Variants in ZNF236 observed in about 807,000 individuals in gnomAD.
The protein encoded by ZNF236 is zinc finger protein 236.
In ZNF236, 50 loss-of-function variants were observed where a neutral mutation model predicts 191.2. The ratio of observed to expected loss-of-function variants is 0.26; its 90% CI spans 0.21 to 0.33. The LOEUF is 0.33. ZNF236 is among the 10% of genes least tolerant of loss of function. ZNF236 has a pLI of 1.00. For missense variants in ZNF236, 1,754 were observed against 2,374.5 expected, an observed-to-expected ratio of 0.74 and a Z score of 5.43; for synonymous variants, 907 against 928.8, an observed-to-expected ratio of 0.98 and a Z score of 0.43.
rs1968913471 is a variant in ZNF236, at chr18:76,971,976, A to G, written c.*3637A>G. Among the ~76,000 whole-genome samples the G allele has an allele frequency of 6.6e-6, 1 of 152,232 alleles. No homozygotes were observed. Among genetic ancestry groups the G allele is most frequent in the African/African-American group, 2.4e-5 (1 of 41,458 alleles). On this transcript the variant is annotated 3_prime_UTR_variant, in exon 31 of 31. Transcript: ENST00000320610. ...TCCAAGGATTGATCGTTGCGAATGT[A>G]TCCCTTTTCCAAGACCTACTGCATA...
intron 1 of ZNF236, among the ~76,000 whole-genome samples, chr18:76,837,753 T>G (rs1975379744): frequency 6.6e-6 from 1 of 152,188 alleles, no homozygotes; most frequent in South Asian, 2.1e-4. Context: ...GAATTCAGTT[T>G]TTAACCTTTG....
intron 9 of ZNF236, chr18:76,886,156 C>T (rs1421631417): frequency 2.0e-5 from 3 of 152,124 alleles, no homozygotes; most frequent in African/African-American, 7.2e-5. Flanking sequence ...GATTATTGTT[C>T]TTCAGTAAGG....
In ZNF236 at chr18:76,895,105, C is replaced by T; in HGVS notation, c.1510C>T (p.Arg504Cys). 2.5e-6 allele frequency: 4 copies of T among 1,611,892 alleles called. No homozygotes were observed. The highest frequency in any genetic ancestry group is 1.7e-6 in the Non-Finnish European group (2 of 1,180,016). The stretch of plus-strand genomic sequence containing the variant: ...GCCCAGCGACCTGGTCCGCCACATC[C>T]GCATCCACACCCACGAGAAGCCCTT... ...RKPSDLVRHI[R>C]IHTHEKPFKC... Residue 504 changes from arginine to cysteine, a missense_variant, in exon 10 of 31, where the codon CGC (arginine) becomes TGC (cysteine). By Grantham distance (180) the Arg-to-Cys change is radical (BLOSUM62 -3). Around this residue, in one of 5 missense-constraint regions of ZNF236, gnomAD observed 641 missense variants for 869.6 expected, o/e 0.74. Coordinates refer to ENST00000320610, the MANE Select transcript of ZNF236 (RefSeq NM_001306089.2).
chr18:76,937,360 G>T lies in ZNF236; in HGVS notation c.4782+17G>T. ...ACCTCTCAGGCAAGTGCTCCTCAGA[G>T]AGGGATGCGAAGGTCCTTTCAAAAA... On this transcript the variant is annotated intron_variant, in intron 26 of 30. Transcript: ENST00000320610. 6.4e-7 allele frequency: 1 copy of T among 1,574,096 alleles called. No homozygotes were observed. The highest frequency in any genetic ancestry group is 2.3e-5 in the East Asian group (1 of 44,104).
intron 1 of ZNF236, among the ~76,000 whole-genome samples, chr18:76,844,966 C>T (rs1372113247): frequency 6.6e-6 from 1 of 152,124 alleles, no homozygotes; most frequent in Non-Finnish European, 1.5e-5. Context: ...AAAGAGATGG[C>T]CGTGGTCCTA....
intron 9 of ZNF236, among the ~76,000 whole-genome samples, chr18:76,888,918 G>T (rs1977145108): frequency 6.6e-6 from 1 of 152,214 alleles, no homozygotes; most frequent in African/African-American, 2.4e-5. Flanking sequence ...AAGCTGGCTG[G>T]GTGGTCTATG....
At chr18:76,883,132 C>G (rs1464534521) in intron 9 of ZNF236, among the ~76,000 whole-genome samples, 2 of 152,170 alleles carry the variant, frequency 1.3e-5, no homozygotes, top group African/African-American at 2.4e-5. Context: ...GGTGAAGCAG[C>G]TTTCTCCCTG....
intron 25 of ZNF236, 140 bp from the exon 26 acceptor site, chr18:76,937,016 C>A: frequency 4.7e-6 from 3 of 638,890 alleles, no homozygotes; most frequent in African/African-American, 1.8e-5. Context: ...AATTGAAGAC[C>A]CTGTGATTTC....
intron 19 of ZNF236, among the ~76,000 whole-genome samples, chr18:76,918,413 T>C (rs1159034251): frequency 6.6e-6 from 1 of 152,160 alleles, no homozygotes; most frequent in African/African-American, 2.4e-5. Flanking sequence ...CTAATATAAA[T>C]GCTATGTAAA....
chr18:76,956,204 A>G, intron 28 of ZNF236, 22 bp downstream of exon 28: 1 of 1,541,712 alleles, frequency 6.5e-7, no homozygotes, highest in Non-Finnish European at 8.7e-7. Context: ...GTGCCAGGGC[A>G]CAGCTGTGTG....
intron 7 of ZNF236, among the ~76,000 whole-genome samples, chr18:76,879,394 G>A (rs1174871853): frequency 6.6e-6 from 1 of 152,132 alleles, no homozygotes; most frequent in African/African-American, 2.4e-5. Flanking sequence ...TGGTGCATCG[G>A]TCGGGTACAT....
intron 3 of ZNF236, among the ~76,000 whole-genome samples, chr18:76,861,506 A>G (rs981592057): frequency 1.3e-5 from 2 of 152,226 alleles, no homozygotes; most frequent in South Asian, 4.1e-4. Context: ...CAGTAAGTCT[A>G]TTATTGCATA....
intron 11 of ZNF236, among the ~76,000 whole-genome samples, chr18:76,901,833 T>C (rs1020539906): frequency 6.6e-6 from 1 of 152,220 alleles, no homozygotes; most frequent in Non-Finnish European, 1.5e-5. Flanking sequence ...TTATGCTATT[T>C]AACTGTTTTT....
rs1447169590 is a variant in ZNF236, at chr18:76,915,776, C to A, written c.3191C>A (p.Thr1064Asn). 1.9e-6 allele frequency: 3 copies of A among 1,614,072 alleles called. No individual in the cohort carries two copies. The South Asian group carries it at 3.3e-5, about 18-fold the overall frequency. ...KCPFCEEGFR[T>N]TVHCKKHMKR... The stretch of plus-strand genomic sequence containing the variant: ...CCGTTTTGTGAGGAGGGTTTCCGAA[C>A]TACAGTGCATTGTAAAAAGCACATG... Residue 1064 changes from threonine to asparagine, a missense_variant, in exon 19 of 31, where the codon ACT becomes AAT. Around this residue, in one of 5 missense-constraint regions of ZNF236, gnomAD observed 641 missense variants for 869.6 expected, o/e 0.74. Transcript: ENST00000320610.
At chr18:76,844,968 G>A (rs951044664) in intron 1 of ZNF236, among the ~76,000 whole-genome samples, 2 of 152,186 alleles carry the variant, frequency 1.3e-5, no homozygotes, top group East Asian at 1.9e-4. Context: ...AGAGATGGCC[G>A]TGGTCCTAAG....
intron 30 of ZNF236, among the ~76,000 whole-genome samples, chr18:76,966,049 G>T (rs558662283): frequency 1.4e-4 from 22 of 152,304 alleles, no homozygotes; most frequent in Non-Finnish European, 2.9e-4. Flanking sequence ...CTCCTTGGGC[G>T]GGTCTTGCTG....
intron 3 of ZNF236, among the ~76,000 whole-genome samples, chr18:76,852,324 C>T (rs978027488): frequency 6.6e-6 from 1 of 152,160 alleles, no homozygotes. Flanking sequence ...CTCCTGGGTC[C>T]TCTGACTGTG....
intron 21 of ZNF236, 69 bp downstream of exon 21, chr18:76,923,243 T>G (rs1599397697): frequency 9.1e-7 from 1 of 1,098,720 alleles, no homozygotes; most frequent in African/African-American, 1.6e-5. Context: ...TGTTCCTATA[T>G]ATTTTGTGTA....
intron 3 of ZNF236, among the ~76,000 whole-genome samples, chr18:76,855,144 G>A (rs1177650029): frequency 6.6e-6 from 1 of 152,128 alleles, no homozygotes; most frequent in Non-Finnish European, 1.5e-5. Flanking sequence ...GGCTAGTCTT[G>A]AACTCCTGAC....
Sources: gnomAD v4.1 joint callset for allele counts (sites outside exome capture counted in the v4.1 genomes callset) on GRCh38, gnomAD v4.1.1 for gene constraint, gnomAD v4.1.1 regional missense constraint, MANE v1.5 for transcripts, NCBI Gene and HGNC (gene_info 2026-07-23, HGNC 2026-07-21) for gene names.